The following TSPAN4 variants were observed in gnomAD, a reference collection of about 807,000 sequenced individuals.
TSPAN4 encodes tetraspanin 4.
Under a neutral mutation model 31.5 loss-of-function variants are expected in TSPAN4, and 38 were observed. That is an observed-to-expected ratio of 1.21 (90% confidence interval 0.93 to 1.58). The LOEUF (loss-of-function observed/expected upper bound fraction) is 1.58. Ranked by LOEUF, TSPAN4 falls within the 40% of genes most tolerant of loss-of-function variation. The probability of loss-of-function intolerance (pLI) is 0.00; values close to 1 mark genes in which losing one functional copy is unlikely to be tolerated. For synonymous variants in TSPAN4, 186 were observed against 144.6 expected, an observed-to-expected ratio of 1.29 and a Z score of -2.06; for missense variants, 330 against 317.3, an observed-to-expected ratio of 1.04 and a Z score of -0.30.
intron 5 of TSPAN4, 114 bp downstream of exon 5, chr11:864,625 C>A (rs530839348): frequency 7.3e-7 from 1 of 1,363,190 alleles, no homozygotes; most frequent in Non-Finnish European, 1.0e-6. Flanking sequence ...CCCTCACGGG[C>A]AGCCAGGACA....
intron 3 of TSPAN4, among the ~76,000 whole-genome samples, chr11:861,407 G>A (rs888115177): frequency 1.3e-5 from 2 of 152,086 alleles, no homozygotes; most frequent in Non-Finnish European, 2.9e-5. Flanking sequence ...GAGGTCAGGA[G>A]ATTGAGATCA....
chr11:866,557 T>C lies in TSPAN4; in HGVS notation c.649-5T>C. 6.2e-7 allele frequency: 1 copy of C among 1,613,042 alleles called. No homozygotes were observed. The highest frequency in any genetic ancestry group is 1.1e-5 in the South Asian group (1 of 91,020). ...CCATGCCCAGTCCTCCTCCCCTACC[T>C]ACAGATCCTGGGCCTGACCTTCGCC... On this transcript the variant is annotated splice_region_variant and splice_polypyrimidine_tract_variant and intron_variant, in intron 8 of 8. Transcript: ENST00000397397.
intron 3 of TSPAN4, chr11:862,280 G>T: frequency 2.0e-6 from 1 of 509,644 alleles, no homozygotes; most frequent in Non-Finnish European, 3.5e-6. Flanking sequence ...CCCTCCTAGA[G>T]GGAGTGGTTC....
chr11:864,206 A>G (rs1212734352), intron 4 of TSPAN4: 7 of 596,930 alleles, frequency 1.2e-5, no homozygotes, highest in Non-Finnish European at 2.1e-5. Context: ...AGGCCAGCCC[A>G]GGGCCCCACA....
chr11:862,217 T>C lies in TSPAN4; in HGVS notation c.64-333T>C, dbSNP rs35569551. 1.9e-3 allele frequency: 642 copies of C among 340,866 alleles called. 7 individuals carry two copies. Among genetic ancestry groups the C allele is most frequent in the African/African-American group, 0.012 (584 of 46,918 alleles). 21.1% of individuals were successfully genotyped at this position (340,866 alleles called of 1,614,324 possible). A position where few individuals can be genotyped will look rare whatever the true frequency, so the allele number is the denominator to read the frequency against. On this transcript the variant is annotated intron_variant, in intron 3 of 8. Coordinates refer to ENST00000397397, the MANE Select transcript of TSPAN4 (RefSeq NM_003271.5). ...CGGGGTTAGGGGTGTGCAGACTGCG[T>C]CCTGGGGCCTAAGATCCCGTCCCTT...
At chr11:845,969 C>G (rs996273224) in intron 1 of TSPAN4, among the ~76,000 whole-genome samples, 1 of 152,180 alleles carries the variant, frequency 6.6e-6, no homozygotes, top group Non-Finnish European at 1.5e-5. Context: ...CTTGGGACCC[C>G]CCAGGGTGAG....
intron 8 of TSPAN4, 103 bp from the exon 9 acceptor site, chr11:866,459 G>A (rs937122605): frequency 2.8e-6 from 3 of 1,076,878 alleles, no homozygotes; most frequent in East Asian, 2.6e-5. Context: ...CCACCCTGGG[G>A]TCGGGGTCAG....
rs1323019093 is a variant in TSPAN4, at chr11:862,193, G to A, written c.64-357G>A. 4.4e-5 allele frequency: 11 copies of A among 247,760 alleles called. 1 individual carries two copies. The highest frequency in any genetic ancestry group is 6.1e-5 in the Non-Finnish European group (8 of 130,674). The allele number at this position is 247,760 out of a possible 1,614,324, so 15.3% of individuals were successfully genotyped here. A position where few individuals can be genotyped will look rare whatever the true frequency, so the allele number is the denominator to read the frequency against. On this transcript the variant is annotated intron_variant, in intron 3 of 8. Transcript: ENST00000397397. Reference sequence around the variant, plus strand: ...CCCTGCGCAGACCAGACGGTGAAGCGGGGTTAGGGGTGTGCAGACTGCGTC... The same window carrying A: ...CCCTGCGCAGACCAGACGGTGAAGCAGGGTTAGGGGTGTGCAGACTGCGTC...
intron 1 of TSPAN4, chr11:843,472 A>C (rs980666839): frequency 6.6e-6 from 1 of 152,182 alleles, no homozygotes; most frequent in Non-Finnish European, 1.5e-5. Flanking sequence ...TTTGAGCTGA[A>C]CCTGGAAGAC....
chr11:858,879 C>A (rs1848230017), intron 3 of TSPAN4, among the ~76,000 whole-genome samples: 1 of 145,078 alleles, frequency 6.9e-6, no homozygotes, highest in African/African-American at 2.6e-5. Flanking sequence ...TCCCATGCAC[C>A]CCTGGGTCAC....
At chr11:850,494 C>A in intron 3 of TSPAN4, 127 bp downstream of exon 3, 1 of 790,008 alleles carries the variant, frequency 1.3e-6, no homozygotes, top group African/African-American at 1.7e-5. Flanking sequence ...GGGATGGTCC[C>A]GGGAGGACCC....
intron 3 of TSPAN4, among the ~76,000 whole-genome samples, chr11:860,762 C>A (rs1407780185): frequency 2.0e-5 from 3 of 152,284 alleles, no homozygotes; most frequent in South Asian, 4.1e-4. Flanking sequence ...CTGAGCCTGT[C>A]CTCAGGCATG....
At chr11:852,032 G>A (rs932692563) in intron 3 of TSPAN4, among the ~76,000 whole-genome samples, 4 of 152,070 alleles carry the variant, frequency 2.6e-5, no homozygotes, top group East Asian at 1.9e-4. Flanking sequence ...CATTCCTACC[G>A]CATGGCAGAC....
chr11:866,099 C>G, intron 8 of TSPAN4, 98 bp downstream of exon 8: 2 of 1,346,824 alleles, frequency 1.5e-6, no homozygotes, highest in Middle Eastern at 2.5e-4. Flanking sequence ...CAGGAACCCA[C>G]GATCGGGGGA....
chr11:847,547 C>G (rs1272634252), intron 2 of TSPAN4, among the ~76,000 whole-genome samples: 1 of 152,112 alleles, frequency 6.6e-6, no homozygotes. Context: ...CCCCTGACTG[C>G]GTCTGGGCAA....
chr11:864,331 G>T, intron 4 of TSPAN4, 106 bp from the exon 5 acceptor site: 1 of 1,417,546 alleles, frequency 7.1e-7, no homozygotes, highest in South Asian at 1.2e-5. Context: ...GAGGTTTCCT[G>T]GCAGCACCAG....
At chr11:864,683 G>T in intron 5 of TSPAN4, 172 bp downstream of exon 5, 2 of 776,698 alleles carry the variant, frequency 2.6e-6, no homozygotes, top group African/African-American at 3.4e-5. Flanking sequence ...AGCGACCCTG[G>T]GAGGCTGTGC....
chr11:859,950 T>A (rs1848360400), intron 3 of TSPAN4, among the ~76,000 whole-genome samples: 1 of 152,044 alleles, frequency 6.6e-6, no homozygotes, highest in Non-Finnish European at 1.5e-5. Flanking sequence ...AGCACAGGGG[T>A]GACCCCTCTT....
chr11:851,261 G>C (rs1847694153), intron 3 of TSPAN4, among the ~76,000 whole-genome samples: 1 of 152,226 alleles, frequency 6.6e-6, no homozygotes, highest in Admixed American at 6.5e-5. Context: ...GACCGGGCCT[G>C]GGGCTTTGCT....
Sources: gnomAD v4.1 joint callset for allele counts (sites outside exome capture counted in the v4.1 genomes callset) on GRCh38, gnomAD v4.1.1 for gene constraint, MANE v1.5 for transcripts, NCBI Gene and HGNC (gene_info 2026-07-23, HGNC 2026-07-21) for gene names.